Variants in ARMC9 observed in about 807,000 individuals in gnomAD.
ARMC9 encodes the protein armadillo repeat containing 9.
Under a neutral mutation model 107.0 loss-of-function variants are expected in ARMC9, and 94 were observed. The ratio of observed to expected loss-of-function variants is 0.88; its 90% CI spans 0.74 to 1.04. The LOEUF is 1.04. ARMC9 is among the 50% of genes least tolerant of loss of function. The pLI is 0.00. For missense variants in ARMC9, 942 were observed against 1,030.1 expected, an observed-to-expected ratio of 0.91 and a Z score of 1.17; for synonymous variants, 380 against 396.9, an observed-to-expected ratio of 0.96 and a Z score of 0.51.
In ARMC9 at chr2:231,360,246, A is replaced by G. The variant is rs962728736; in HGVS notation, c.2132-508A>G. Among the ~76,000 whole-genome samples the G allele has an allele frequency of 2.0e-5, 3 of 152,006 alleles. No individual in the cohort carries two copies. The highest frequency in any genetic ancestry group is 7.3e-5 in the African/African-American group (3 of 41,362). ...ATCAGCTACAGCACAAGTCACTGGG[A>G]GTTAGGGCACTTCCTGGCCACCCTG... On this transcript the variant is annotated intron_variant, in intron 22 of 24. Coordinates refer to ENST00000611582, the MANE Select transcript of ARMC9 (RefSeq NM_001352754.2). The surrounding 1 kb of genome is among the most constrained non-coding windows in gnomAD (Gnocchi z 4.7).
chr2:231,274,440 A>G (rs2039598367), intron 14 of ARMC9, among the ~76,000 whole-genome samples: 1 of 152,088 alleles, frequency 6.6e-6, no homozygotes, highest in Admixed American at 6.5e-5. Flanking sequence ...TTTGTCCTTC[A>G]GTTGATTGGC....
Position 231,259,037 on chromosome 2 carries a change from C to G in ARMC9, c.961C>G (p.Leu321Val). The change falls in exon 11 of 25, where the codon CTG (leucine) becomes GTG (valine). Residue 321 changes from leucine to valine, a missense_variant. By Grantham distance (32) the Leu-to-Val change is conservative (BLOSUM62 1). Transcript: ENST00000611582. ...ACTGCCCTCCTTGGATTATGAGAAA[C>G]TGAAGAAGGATTTGATTTTGGGGAG... ...PLLPSLDYEKLKKDLILGSDR... is the reference protein window; with the variant it reads ...PLLPSLDYEKVKKDLILGSDR... 1 of 1,614,124 alleles carries G rather than the reference C, an allele frequency of 6.2e-7. No individual in the cohort carries two copies. The highest frequency in any genetic ancestry group is 8.5e-7 in the Non-Finnish European group (1 of 1,180,010).
intron 19 of ARMC9, among the ~76,000 whole-genome samples, chr2:231,324,290 G>T (rs915138366): frequency 1.3e-5 from 2 of 151,418 alleles, no homozygotes. Flanking sequence ...ACCACGCCCA[G>T]CTAATTTTTG....
At chr2:231,202,803 G>A (rs1163081235) in intron 1 of ARMC9, among the ~76,000 whole-genome samples, 1 of 152,100 alleles carries the variant, frequency 6.6e-6, no homozygotes, top group African/African-American at 2.4e-5. Context: ...CCTGGGTAAC[G>A]GCCAAACTTC....
At chr2:231,290,095 G>T (rs1307008341) in intron 17 of ARMC9, among the ~76,000 whole-genome samples, 1 of 152,178 alleles carries the variant, frequency 6.6e-6, no homozygotes. Flanking sequence ...GTGTATATCT[G>T]CATACCAACA....
At chr2:231,299,357 TG>T (rs769557512) in intron 19 of ARMC9, among the ~76,000 whole-genome samples, 2 of 152,132 alleles carry the variant, frequency 1.3e-5, no homozygotes, top group Non-Finnish European at 2.9e-5. Flanking sequence ...CGGAAAGGTG[TG>T]GACATGTACG....
At position 231,353,060 on chromosome 2, in the gene ARMC9, G is replaced by A. The variant is rs950499010; in HGVS notation, c.1995-2738G>A. Among the ~76,000 whole-genome samples, 5 of 131,802 alleles carry A rather than the reference G, an allele frequency of 3.8e-5. 1 individual carries two copies. The highest frequency in any genetic ancestry group is 5.9e-5 in the Non-Finnish European group (4 of 67,272). The allele number at this position is 131,802 out of a possible 152,430, so 86.5% of individuals were successfully genotyped here. A position where few individuals can be genotyped will look rare whatever the true frequency, so the allele number is the denominator to read the frequency against. ...GGGCATGCAATCCATTCCAGCCATG[G>A]GATCTAAGATTTTCCAACTTTTATG... On this transcript the variant is annotated intron_variant, in intron 21 of 24. Transcript: ENST00000611582.
In ARMC9 at chr2:231,256,636, T is replaced by C. The variant is rs777521211; in HGVS notation, c.914+16T>C. On this transcript the variant is annotated intron_variant, in intron 10 of 24. Coordinates refer to ENST00000611582, the MANE Select transcript of ARMC9 (RefSeq NM_001352754.2). ...TGGCACCCGTGTAAGTAACTGCTCT[T>C]AGGAATTTTTATTAAGGAGAACAGC... 1.2e-6 allele frequency: 2 copies of C among 1,611,822 alleles called. No individual in the cohort carries two copies. The highest frequency in any genetic ancestry group is 4.5e-5 in the East Asian group (2 of 44,872).
chr2:231,339,095 CA>C (rs1559484182), intron 20 of ARMC9, among the ~76,000 whole-genome samples: 1 of 152,028 alleles, frequency 6.6e-6, no homozygotes, highest in Non-Finnish European at 1.5e-5. Context: ...TTTGGGAGGC[CA>C]AGGCGGGCAG....
intron 20 of ARMC9, among the ~76,000 whole-genome samples, chr2:231,335,249 A>G (rs530474304): frequency 6.6e-6 from 1 of 152,312 alleles, no homozygotes; most frequent in South Asian, 2.1e-4. Context: ...CTAGTCCCAG[A>G]CCACTGAATC....
intron 22 of ARMC9, 102 bp downstream of exon 22, chr2:231,356,036 A>G (rs1334691222): frequency 7.1e-7 from 1 of 1,411,468 alleles, no homozygotes; most frequent in African/African-American, 1.4e-5. Flanking sequence ...GCTCCTGGGA[A>G]GCCCTCTGGT....
chr2:231,341,640 T>TAGATGATAGATA (rs1553633323), intron 20 of ARMC9, among the ~76,000 whole-genome samples: 1 of 140,052 alleles, frequency 7.1e-6, no homozygotes, highest in African/African-American at 3.2e-5. Flanking sequence ...GATAGATAGA[T>TAGATGATAGATA]GATAGATAGA....
At chr2:231,277,078 T>C (rs2039825375) in intron 15 of ARMC9, among the ~76,000 whole-genome samples, 1 of 152,154 alleles carries the variant, frequency 6.6e-6, no homozygotes, top group Admixed American at 6.5e-5. Flanking sequence ...ATGATCCCCT[T>C]TTCTGAAGAC....
At chr2:231,280,524 T>TATAC (rs778523050) in intron 16 of ARMC9, among the ~76,000 whole-genome samples, 9 of 152,184 alleles carry the variant, frequency 5.9e-5, no homozygotes, top group East Asian at 1.9e-4. Context: ...TATATACATA[T>TATAC]ATACATACAT....
intron 12 of ARMC9, among the ~76,000 whole-genome samples, chr2:231,264,567 G>A (rs537463393): frequency 2.8e-5 from 4 of 145,246 alleles, no homozygotes; most frequent in South Asian, 4.5e-4. Flanking sequence ...GCACGATCTC[G>A]GCTCACTGCG....
At position 231,326,192 on chromosome 2, in the gene ARMC9, G is replaced by C. The variant is rs536863149; in HGVS notation, c.1774-5601G>C. Among the ~76,000 whole-genome samples the C allele has an allele frequency of 1.2e-3, 190 of 152,296 alleles. 2 individuals are homozygous for C. The highest frequency in any genetic ancestry group is 4.5e-3 in the African/African-American group (188 of 41,550). ...TCAAAGACCTGGGCAGAAAGGGGCT[G>C]CCCCAAGCTTAAAGTCCAGATTCCT... On this transcript the variant is annotated intron_variant, in intron 19 of 24. Coordinates refer to ENST00000611582, the MANE Select transcript of ARMC9 (RefSeq NM_001352754.2).
intron 19 of ARMC9, among the ~76,000 whole-genome samples, chr2:231,296,776 A>G (rs2041402716): frequency 6.6e-6 from 1 of 152,232 alleles, no homozygotes; most frequent in Non-Finnish European, 1.5e-5. Context: ...AAGGTTTAGA[A>G]GTTAATGTAT....
At chr2:231,217,023 A>G (rs749923807) in intron 5 of ARMC9, among the ~76,000 whole-genome samples, 1 of 152,234 alleles carries the variant, frequency 6.6e-6, no homozygotes, top group African/African-American at 2.4e-5. Context: ...TACATACATT[A>G]AATCTGGAAG....
At chr2:231,210,761 G>T (rs372451519) in intron 3 of ARMC9, among the ~76,000 whole-genome samples, 1 of 152,202 alleles carries the variant, frequency 6.6e-6, no homozygotes, top group African/African-American at 2.4e-5. Flanking sequence ...TTAAAAAATT[G>T]TGATTAAAGA....
Sources: gnomAD v4.1 joint callset for allele counts (sites outside exome capture counted in the v4.1 genomes callset) on GRCh38, gnomAD v4.1.1 for gene constraint, Gnocchi (gnomAD v3.1) non-coding constraint, MANE v1.5 for transcripts, NCBI Gene and HGNC (gene_info 2026-07-23, HGNC 2026-07-21) for gene names.